Variants in HPGD observed in about 807,000 individuals in gnomAD.
HPGD encodes the protein 15-hydroxyprostaglandin dehydrogenase, also known as 15-hydroxyprostaglandin dehydrogenase [NAD(+)].
A neutral mutation model predicts 30.0 loss-of-function variants in HPGD; 29 were observed. The ratio of observed to expected loss-of-function variants is 0.97; its 90% CI spans 0.72 to 1.32. The LOEUF is 1.32. Among genes scored for constraint, HPGD ranks in the 40% most tolerant of loss-of-function variants. The pLI is 0.00. For missense variants in HPGD, 340 were observed against 322.1 expected (o/e 1.06, Z -0.43); for synonymous variants, 99 against 112.4 (o/e 0.88, Z 0.75).
intron 4 of HPGD, among the ~76,000 whole-genome samples, chr4:174,503,772 G>A (rs575306729): frequency 6.6e-6 from 1 of 151,770 alleles, no homozygotes; most frequent in Admixed American, 6.6e-5. Flanking sequence ...GCCCAGGCTG[G>A]AGTGCAGTAG....
chr4:174,494,036 T>C lies in HPGD; in HGVS notation c.499-722A>G, dbSNP rs962948948. On this transcript the variant is annotated intron_variant, in intron 5 of 6. Coordinates refer to ENST00000296522, the MANE Select transcript of HPGD (RefSeq NM_000860.6). The surrounding 1 kb of genome is among the most constrained non-coding windows in gnomAD (Gnocchi z 4.9). ...AGTAAGACTATACTCTGTCGTGCCA[T>C]GTTTTTCTAATTTTGTGCTTTTTTA... is the stretch of plus-strand genomic sequence containing the variant. 2.6e-5 allele frequency among the ~76,000 whole-genome samples: 4 copies of C among 152,154 alleles called. No individual in the cohort carries two copies. Among genetic ancestry groups the C allele is most frequent in the Non-Finnish European group, 5.9e-5 (4 of 68,032 alleles).
At position 174,490,372 on chromosome 4, in the gene HPGD, T is replaced by C. The variant is rs886059243; in HGVS notation, c.*1584A>G. On this transcript the variant is annotated 3_prime_UTR_variant, in exon 7 of 7. Transcript: ENST00000296522. This position sits in a 1 kb window ranked among gnomAD's most constrained non-coding sequence, Gnocchi z 4.4. ...TACATAATTTATTGATTTGAAAAAA[T>C]TAATTCAAAGCAGAATGTATATTGA... The C allele has an allele frequency of 6.6e-6, 1 of 152,314 alleles. No individual in the cohort carries two copies. 9.4% of individuals were successfully genotyped at this position (152,314 alleles called of 1,614,324 possible). A position where few individuals can be genotyped will look rare whatever the true frequency, so the allele number is the denominator to read the frequency against.
Position 174,497,576 on chromosome 4 carries a change from T to TTTTTTTTC in HPGD, c.422-1953_422-1952insGAAAAAAA, listed in dbSNP as rs1560976966. Among the ~76,000 whole-genome samples the TTTTTTTTC allele has an allele frequency of 2.9e-5, 3 of 104,460 alleles. No individual in the cohort carries two copies. In the East Asian group the frequency reaches 7.2e-4, roughly 25 times the overall value. The allele number at this position is 104,460 out of a possible 152,430, so 68.5% of individuals were successfully genotyped here. On this transcript the variant is annotated intron_variant, in intron 4 of 6. Transcript: ENST00000296522. ...TTTCTTTCTTTTTCTTTCTTTTTTTTTTTTTTTTTTTTTTTTTTTTGAGAC... is the reference window on the plus strand; with the variant it reads ...TTTCTTTCTTTTTCTTTCTTTTTTTTTTTTTTTCTTTTTTTTTTTTTTTTTTTTGAGAC...
intron 3 of HPGD, among the ~76,000 whole-genome samples, chr4:174,511,807 C>T (rs45508294): frequency 0.021 from 3,144 of 152,200 alleles, 94 homozygotes; most frequent in African/African-American, 0.071. Flanking sequence ...CCACCACGCC[C>T]GGCTAAATTT....
At chr4:174,503,282 A>T (rs926898272) in intron 4 of HPGD, among the ~76,000 whole-genome samples, 1 of 152,138 alleles carries the variant, frequency 6.6e-6, no homozygotes, top group African/African-American at 2.4e-5. Flanking sequence ...AGCACTTATG[A>T]ATCACAGCAT....
chr4:174,518,011 T>C lies in HPGD; in HGVS notation c.284A>G (p.Asn95Ser), dbSNP rs199975458. 5.2e-5 allele frequency: 84 copies of C among 1,606,136 alleles called. No homozygotes were observed. In the Middle Eastern group the frequency reaches 1.2e-3, roughly 22 times the overall value. Residue 95 changes from asparagine to serine, a missense_variant, in exon 3 of 7, where the codon AAT becomes AGT. Transcript: ENST00000296522. ...LDILVNNAGV[N>S]NEKNWEKTLQ... ...AGTTTTTTCCCAGTTTTTCTCATTA[T>C]TCACTCCAGCATTATTGACCAAAAT...
chr4:174,522,485 G>GTTCCGCGT lies in HPGD; in HGVS notation c.-35_-34insACGCGGAA. The GTTCCGCGT allele has an allele frequency of 1.3e-6, 2 of 1,497,748 alleles. No individual in the cohort carries two copies. Among genetic ancestry groups the GTTCCGCGT allele is most frequent in the Non-Finnish European group, 1.8e-6 (2 of 1,113,754 alleles). The allele number at this position is 1,497,748 out of a possible 1,614,324, so 92.8% of individuals were successfully genotyped here. ...CACTGCTGGGGCGGGCGGTGGGCGA[G>GTTCCGCGT]CTCCGCGTCTCCGCGCGGCCGCGGC... is the stretch of plus-strand genomic sequence containing the variant. On this transcript the variant is annotated 5_prime_UTR_variant, in exon 1 of 7. Coordinates refer to ENST00000296522, the MANE Select transcript of HPGD (RefSeq NM_000860.6).
At chr4:174,508,122 T>G (rs1735276917) in intron 4 of HPGD, 3 of 702,320 alleles carry the variant, frequency 4.3e-6, no homozygotes, top group Non-Finnish European at 5.2e-6. Flanking sequence ...GGGAGCTCCC[T>G]GCTGAAGACG....
At chr4:174,497,568 C>CTTTCTTTGTTTTTT (rs1360019053) in intron 4 of HPGD, among the ~76,000 whole-genome samples, 1 of 51,114 alleles carries the variant, frequency 2.0e-5, no homozygotes, top group Admixed American at 2.3e-4. Flanking sequence ...CTTTTTCTTT[C>CTTTCTTTGTTTTTT]TTTTTTTTTT....
chr4:174,491,715 T>A lies in HPGD; in HGVS notation c.*241A>T. The A allele has an allele frequency of 2.2e-6, 1 of 457,040 alleles. No individual in the cohort carries two copies. Among genetic ancestry groups the A allele is most frequent in the Non-Finnish European group, 4.0e-6 (1 of 251,874 alleles). 28.3% of individuals were successfully genotyped at this position (457,040 alleles called of 1,614,324 possible). ...TTGAATATTCCTTGAAAATCATTTG[T>A]TTTGATCATTTTTTAGACTATCAAG... On this transcript the variant is annotated 3_prime_UTR_variant, in exon 7 of 7. Transcript: ENST00000296522.
At position 174,512,265 on chromosome 4, in the gene HPGD, C is replaced by G. The variant is rs45479191; in HGVS notation, c.325-3473G>C. On this transcript the variant is annotated intron_variant, in intron 3 of 6. Coordinates refer to ENST00000296522, the MANE Select transcript of HPGD (RefSeq NM_000860.6). ...TGACCCAGTAACTATTAACTAACAT[C>G]TGTAAGGACACAAGACAATAGTTTT... Among the ~76,000 whole-genome samples, 1,270 of 152,220 alleles carry G rather than the reference C, an allele frequency of 8.3e-3. 22 individuals are homozygous for G. The highest frequency in any genetic ancestry group is 0.029 in the African/African-American group (1,212 of 41,522).
chr4:174,494,850 C>A lies in HPGD; in HGVS notation c.498+698G>T, dbSNP rs1734507534. On this transcript the variant is annotated intron_variant, in intron 5 of 6. Coordinates refer to ENST00000296522, the MANE Select transcript of HPGD (RefSeq NM_000860.6). The surrounding 1 kb of genome is among the most constrained non-coding windows in gnomAD (Gnocchi z 4.9). Reference sequence around the variant, plus strand: ...TCTTATCACTCCTGCGTGTAAAAGCCCCATGGATGGTTGCCCTTGAAATAA... The same window carrying A: ...TCTTATCACTCCTGCGTGTAAAAGCACCATGGATGGTTGCCCTTGAAATAA... Among the ~76,000 whole-genome samples the A allele has an allele frequency of 6.6e-6, 1 of 152,060 alleles. No homozygotes were observed. Among genetic ancestry groups the A allele is most frequent in the South Asian group, 2.1e-4 (1 of 4,820 alleles).
rs756996620 is a variant in HPGD, at chr4:174,495,537, T to G, written c.498+11A>C. 1.3e-6 allele frequency: 2 copies of G among 1,595,650 alleles called. No homozygotes were observed. On this transcript the variant is annotated intron_variant, in intron 5 of 6. Transcript: ENST00000296522. ...AGAGAAAATGAGATATGACGGTTGT[T>G]GTAGCCTCACCGCTGCTGAGCGTGT...
upstream of HPGD, chr4:174,522,555 C>A: frequency 1.3e-6 from 1 of 777,448 alleles, no homozygotes; most frequent in Non-Finnish European, 1.9e-6. Flanking sequence ...CGGCGGGGCG[C>A]TCCCCTGCCA....
chr4:174,522,007 G>C lies in HPGD; in HGVS notation c.154C>G (p.Gln52Glu). The change falls in exon 2 of 7, where the codon CAG becomes GAG. Residue 52 changes from glutamine (Q) to glutamate (E), a missense_variant. Physicochemically the swap from Gln to Glu is conservative, Grantham distance 29. Transcript: ENST00000296522. ...GVQCKAALDE[Q>E]FEPQKTLFIQ... Reference sequence around the variant, plus strand: ...AACAGAGTCTTCTGAGGTTCAAACTGCTCATCCAGGGCAGCTTTACACTGT... The same window carrying C: ...AACAGAGTCTTCTGAGGTTCAAACTCCTCATCCAGGGCAGCTTTACACTGT... 1 of 1,614,078 alleles carries C rather than the reference G, an allele frequency of 6.2e-7. No individual in the cohort carries two copies.
At chr4:174,504,268 G>C (rs1047666344) in intron 4 of HPGD, among the ~76,000 whole-genome samples, 5 of 152,142 alleles carry the variant, frequency 3.3e-5, no homozygotes, top group African/African-American at 4.8e-5. Flanking sequence ...AAAACTTATA[G>C]CACAAGCAGA....
chr4:174,507,944 G>C, intron 4 of HPGD: 1 of 543,242 alleles, frequency 1.8e-6, no homozygotes, highest in South Asian at 2.8e-5. Flanking sequence ...TTCCCAGACA[G>C]ACTCGCTTAC....
intron 3 of HPGD, among the ~76,000 whole-genome samples, chr4:174,515,355 G>T (rs190609102): frequency 6.6e-6 from 1 of 152,104 alleles, no homozygotes; most frequent in Non-Finnish European, 1.5e-5. Context: ...CAGAAATAAG[G>T]CTGTACACCT....
chr4:174,508,900 AAAT>A, intron 3 of HPGD, 108 bp from the exon 4 acceptor site: 1 of 736,294 alleles, frequency 1.4e-6, no homozygotes, highest in Non-Finnish European at 2.5e-6. Flanking sequence ...AGATTTCTGC[AAAT>A]ATTATCAATG....
Sources: gnomAD v4.1 joint callset for allele counts (sites outside exome capture counted in the v4.1 genomes callset) on GRCh38, gnomAD v4.1.1 for gene constraint, Gnocchi (gnomAD v3.1) non-coding constraint, MANE v1.5 for transcripts, NCBI Gene and HGNC (gene_info 2026-07-23, HGNC 2026-07-21) for gene names.